The following SNX10 variants were observed in gnomAD, a reference collection of about 807,000 sequenced individuals.
SNX10 encodes sorting nexin-10.
Under a neutral mutation model 28.5 loss-of-function variants are expected in SNX10, and 25 were observed. The ratio of observed to expected loss-of-function variants is 0.88; its 90% CI spans 0.64 to 1.22. The LOEUF is 1.22. Ranked by LOEUF, SNX10 falls within the 50% of genes most tolerant of loss-of-function variation. SNX10 has a pLI of 0.00. For synonymous variants in SNX10, 62 were observed against 81.4 expected (o/e 0.76, Z 1.28); for missense variants, 223 against 242.6 (o/e 0.92, Z 0.54).
At chr7:26,352,764 A>G (rs1788658367) in intron 2 of SNX10, among the ~76,000 whole-genome samples, 1 of 152,240 alleles carries the variant, frequency 6.6e-6, no homozygotes, top group Non-Finnish European at 1.5e-5. Flanking sequence ...GAAAAAAATT[A>G]TATACTTGGT....
At chr7:26,343,439 A>G (rs917267175) in intron 1 of SNX10, among the ~76,000 whole-genome samples, 2 of 152,194 alleles carry the variant, frequency 1.3e-5, no homozygotes, top group African/African-American at 4.8e-5. Flanking sequence ...CTCACAGGAC[A>G]GTTGTGAAGT....
In SNX10 at chr7:26,364,681, G is replaced by A; in HGVS notation, c.212+46G>A. 2 of 1,371,736 alleles carry A rather than the reference G, an allele frequency of 1.5e-6. No individual in the cohort carries two copies. 85.0% of individuals were successfully genotyped at this position (1,371,736 alleles called of 1,614,324 possible). A position where few individuals can be genotyped will look rare whatever the true frequency, so the allele number is the denominator to read the frequency against. On this transcript the variant is annotated intron_variant, in intron 4 of 6. Coordinates refer to ENST00000338523, the MANE Select transcript of SNX10 (RefSeq NM_013322.3). The surrounding 1 kb of genome is among the most constrained non-coding windows in gnomAD (Gnocchi z 4.9). ...TGTGGAGACTTTGTCATTATATTCA[G>A]TATTTAAAATTGACGTTCATTAAGA...
At chr7:26,328,148 G>A (rs1321904308) in intron 1 of SNX10, among the ~76,000 whole-genome samples, 2 of 152,146 alleles carry the variant, frequency 1.3e-5, no homozygotes, top group Admixed American at 6.5e-5. Flanking sequence ...ATGAGAGCTC[G>A]AACTAGGCCA....
At chr7:26,310,660 G>A (rs1042429949) in intron 1 of SNX10, among the ~76,000 whole-genome samples, 2 of 149,316 alleles carry the variant, frequency 1.3e-5, no homozygotes, top group Admixed American at 6.7e-5. Context: ...CGAGGGGACT[G>A]AGGAAGGATC....
intron 1 of SNX10, among the ~76,000 whole-genome samples, chr7:26,304,081 T>A (rs1453378632): frequency 6.6e-6 from 1 of 152,214 alleles, no homozygotes; most frequent in Non-Finnish European, 1.5e-5. Context: ...GAATTGAGAA[T>A]ACAAAGCGAG....
intron 1 of SNX10, among the ~76,000 whole-genome samples, chr7:26,324,425 T>C (rs35424926): frequency 0.34 from 51,480 of 152,096 alleles, 10,756 homozygotes; most frequent in South Asian, 0.48. Flanking sequence ...AGTGGTGTGA[T>C]CATGGCTCAC....
In SNX10 at chr7:26,327,726, C is replaced by CTT. The variant is rs70943293; in HGVS notation, c.-23-18674_-23-18673dup. ...ATTGTATTCATTCATGCATTCTTTT[C>CTT]TTTTTTTTTTTTTTTTTTTTTGAGA... On this transcript the variant is annotated intron_variant, in intron 1 of 6. Coordinates refer to ENST00000338523, the MANE Select transcript of SNX10 (RefSeq NM_013322.3). 9.8e-3 allele frequency among the ~76,000 whole-genome samples: 877 copies of CTT among 89,080 alleles called. 72 individuals carry two copies. Among genetic ancestry groups the CTT allele is most frequent in the Non-Finnish European group, 0.015 (686 of 45,484 alleles). 58.4% of individuals were successfully genotyped at this position (89,080 alleles called of 152,430 possible).
intron 1 of SNX10, among the ~76,000 whole-genome samples, chr7:26,301,560 C>T (rs1021730208): frequency 3.3e-5 from 5 of 152,108 alleles, no homozygotes; most frequent in African/African-American, 9.7e-5. Flanking sequence ...GTCCTGTGTC[C>T]AAGGAGTGTG....
chr7:26,334,399 T>C (rs1787848034), intron 1 of SNX10, among the ~76,000 whole-genome samples: 2 of 152,224 alleles, frequency 1.3e-5, no homozygotes, highest in Admixed American at 6.5e-5. Flanking sequence ...CACAGCTTCT[T>C]TCCTTTTATT....
In SNX10 at chr7:26,364,038, T is replaced by G. The variant is rs2699811; in HGVS notation, c.112-497T>G. On this transcript the variant is annotated intron_variant, in intron 3 of 6. Transcript: ENST00000338523. This position sits in a 1 kb window ranked among gnomAD's most constrained non-coding sequence, Gnocchi z 4.9. ...CAGTAGAGAAGGGAATGCTGTTCTCTAGGATTTCTGGTGATTTGTATGATC... is the reference window on the plus strand; with the variant it reads ...CAGTAGAGAAGGGAATGCTGTTCTCGAGGATTTCTGGTGATTTGTATGATC... 6.6e-6 allele frequency among the ~76,000 whole-genome samples: 1 copy of G among 151,862 alleles called. No individual in the cohort carries two copies. The highest frequency in any genetic ancestry group is 1.5e-5 in the Non-Finnish European group (1 of 67,968).
chr7:26,339,831 G>A (rs1327120839), intron 1 of SNX10, among the ~76,000 whole-genome samples: 1 of 149,574 alleles, frequency 6.7e-6, no homozygotes, highest in Non-Finnish European at 1.5e-5. Flanking sequence ...ACAGGCGTGA[G>A]TCACCCCACC....
intron 1 of SNX10, among the ~76,000 whole-genome samples, chr7:26,298,926 A>G (rs1786213566): frequency 6.6e-6 from 1 of 152,100 alleles, no homozygotes; most frequent in South Asian, 2.1e-4. Flanking sequence ...CACCCTTTTA[A>G]CCTCATCTAA....
At position 26,364,915 on chromosome 7, in the gene SNX10, G is replaced by A; in HGVS notation, c.213-132G>A. The A allele has an allele frequency of 1.6e-6, 1 of 623,012 alleles. No homozygotes were observed. The highest frequency in any genetic ancestry group is 2.9e-6 in the Non-Finnish European group (1 of 349,098). The allele number at this position is 623,012 out of a possible 1,614,324, so 38.6% of individuals were successfully genotyped here. ...TACCCTTATTATATAACTATATAAT[G>A]TATAATCATAATTATAGAATAACTG... On this transcript the variant is annotated intron_variant, in intron 4 of 6. Transcript: ENST00000338523. The surrounding 1 kb of genome is among the most constrained non-coding windows in gnomAD (Gnocchi z 4.9).
intron 2 of SNX10, chr7:26,360,689 A>G (rs1789030836): frequency 2.6e-6 from 1 of 392,132 alleles, no homozygotes; most frequent in African/African-American, 2.1e-5. Flanking sequence ...ATTAAAAATC[A>G]GTTTTACAGT....
Position 26,361,390 on chromosome 7 carries a change from T to C in SNX10, c.111+329T>C, listed in dbSNP as rs117772571. On this transcript the variant is annotated intron_variant, in intron 3 of 6. Coordinates refer to ENST00000338523, the MANE Select transcript of SNX10 (RefSeq NM_013322.3). ...TTCTTATGATCTGCTATAGCATATT[T>C]CTGGATAATATAATGCCTGATAACC... Among the ~76,000 whole-genome samples, 1,448 of 152,352 alleles carry C rather than the reference T, an allele frequency of 9.5e-3. 23 individuals carry two copies. The highest frequency in any genetic ancestry group is 0.015 in the Non-Finnish European group (1,011 of 68,032).
intron 1 of SNX10, among the ~76,000 whole-genome samples, chr7:26,307,168 C>T (rs1015179834): frequency 1.3e-5 from 2 of 152,198 alleles, no homozygotes; most frequent in African/African-American, 2.4e-5. Flanking sequence ...AAAAGCAGAA[C>T]ATTAAATGTT....
intron 1 of SNX10, among the ~76,000 whole-genome samples, chr7:26,335,806 C>CGAT (rs1339849333): frequency 7.5e-6 from 1 of 132,860 alleles, no homozygotes; most frequent in Non-Finnish European, 1.5e-5. Context: ...TGCTGTGGCG[C>CGAT]GATCTCCGCT....
intron 2 of SNX10, among the ~76,000 whole-genome samples, chr7:26,358,805 G>GTTTTTGTTTTTTTTTTTTTTTTT (rs1554360948): frequency 2.0e-5 from 2 of 100,112 alleles, no homozygotes; most frequent in Admixed American, 1.1e-4. Flanking sequence ...GTTATCTTGT[G>GTTTTTGTTTTTTTTTTTTTTTTT]TTTTTTTTTT....
intron 2 of SNX10, chr7:26,357,082 TA>T: frequency 8.2e-7 from 1 of 1,219,520 alleles, no homozygotes; most frequent in Non-Finnish European, 1.1e-6. Flanking sequence ...CAAGACAGCC[TA>T]AGCTGCCCTA....
Sources: allele counts gnomAD v4.1 joint callset (sites outside exome capture counted in the v4.1 genomes callset), GRCh38; gene constraint gnomAD v4.1.1; non-coding constraint Gnocchi (gnomAD v3.1); transcripts MANE v1.5; gene names NCBI Gene and HGNC (gene_info 2026-07-23, HGNC 2026-07-21).